The following CNTNAP5 variants were observed in gnomAD, a reference collection of about 807,000 sequenced individuals.
The protein encoded by CNTNAP5 is contactin associated protein family member 5, also known as contactin-associated protein-like 5.
In CNTNAP5, 72 loss-of-function variants were observed where a neutral mutation model predicts 150.2. The observed-to-expected ratio is 0.48, with a 90% CI of 0.40 to 0.58. CNTNAP5 has a LOEUF of 0.58. CNTNAP5 is among the 20% of genes least tolerant of loss of function. The pLI is 0.00. For synonymous variants in CNTNAP5, 672 were observed against 619.8 expected (o/e 1.08, Z -1.25); for missense variants, 1,636 against 1,626.2 (o/e 1.01, Z -0.10).
At chr2:124,275,766 A>C (rs1472925708) in intron 3 of CNTNAP5, among the ~76,000 whole-genome samples, 1 of 152,084 alleles carries the variant, frequency 6.6e-6, no homozygotes, top group Non-Finnish European at 1.5e-5. Context: ...TTTTGTCTAC[A>C]ATCTCCAGTA....
chr2:124,784,140 A>C (rs1681514098), intron 17 of CNTNAP5, among the ~76,000 whole-genome samples: 1 of 152,214 alleles, frequency 6.6e-6, no homozygotes, highest in African/African-American at 2.4e-5. Flanking sequence ...CAAGGGCATA[A>C]AAATAAAGTA....
intron 21 of CNTNAP5, among the ~76,000 whole-genome samples, chr2:124,899,549 T>C (rs1324658142): frequency 6.6e-6 from 1 of 151,638 alleles, no homozygotes; most frequent in Non-Finnish European, 1.5e-5. Flanking sequence ...AAGATGCCTT[T>C]GGTTTCTTAA....
At chr2:124,232,770 A>G (rs1686655196) in intron 2 of CNTNAP5, among the ~76,000 whole-genome samples, 1 of 152,154 alleles carries the variant, frequency 6.6e-6, no homozygotes, top group Non-Finnish European at 1.5e-5. Flanking sequence ...TTGTTTTGCT[A>G]AGGACTGGCT....
chr2:124,579,266 G>T (rs1696359364), intron 11 of CNTNAP5, among the ~76,000 whole-genome samples: 1 of 152,076 alleles, frequency 6.6e-6, no homozygotes, highest in African/African-American at 2.4e-5. Context: ...CTCATGATAG[G>T]CTCTATAGTA....
intron 13 of CNTNAP5, among the ~76,000 whole-genome samples, chr2:124,668,221 A>G (rs1285283467): frequency 6.6e-6 from 1 of 152,200 alleles, no homozygotes; most frequent in Non-Finnish European, 1.5e-5. Context: ...TCATACATTT[A>G]GCTAGGAAAA....
At chr2:124,291,407 G>A (rs1227187960) in intron 3 of CNTNAP5, among the ~76,000 whole-genome samples, 1 of 151,646 alleles carries the variant, frequency 6.6e-6, no homozygotes, top group East Asian at 1.9e-4. Context: ...ACAAATACTG[G>A]CAACTATTAA....
intron 21 of CNTNAP5, among the ~76,000 whole-genome samples, chr2:124,900,684 T>C (rs1678398540): frequency 1.3e-5 from 2 of 151,682 alleles, no homozygotes; most frequent in South Asian, 4.1e-4. Flanking sequence ...TAGGCTTCTT[T>C]CCCACTGAGT....
At chr2:124,090,922 G>A (rs1424947685) in intron 1 of CNTNAP5, among the ~76,000 whole-genome samples, 2 of 152,170 alleles carry the variant, frequency 1.3e-5, no homozygotes, top group African/African-American at 4.8e-5. Context: ...AATACATTAA[G>A]CCCATTGAGC....
chr2:124,424,259 G>C (rs1307168746), intron 4 of CNTNAP5, among the ~76,000 whole-genome samples: 1 of 152,128 alleles, frequency 6.6e-6, no homozygotes, highest in East Asian at 1.9e-4. Context: ...CATGGTAGAG[G>C]CCACACAGTT....
chr2:124,694,799 G>C (rs1052258269), intron 13 of CNTNAP5, among the ~76,000 whole-genome samples: 4 of 152,054 alleles, frequency 2.6e-5, no homozygotes, highest in Admixed American at 2.6e-4. Flanking sequence ...GGCATTCATA[G>C]TCAACCTACA....
At chr2:124,691,810 G>A (rs532274496) in intron 13 of CNTNAP5, among the ~76,000 whole-genome samples, 1 of 152,072 alleles carries the variant, frequency 6.6e-6, no homozygotes, top group East Asian at 1.9e-4. Flanking sequence ...ATGCAATGAG[G>A]GGTTGTCTGT....
At chr2:124,470,165 G>GTCTTCCACAATAATTA (rs1693474882) in intron 6 of CNTNAP5, among the ~76,000 whole-genome samples, 1 of 152,104 alleles carries the variant, frequency 6.6e-6, no homozygotes, top group African/African-American at 2.4e-5. Flanking sequence ...CTTCCACAAT[G>GTCTTCCACAATAATTA]GTTGCAATAA....
At chr2:124,902,765 A>G (rs568766478) in intron 21 of CNTNAP5, 117 bp from the exon 22 acceptor site, 14 of 644,344 alleles carry the variant, frequency 2.2e-5, no homozygotes, top group Non-Finnish European at 3.4e-5. Context: ...GGTTTTCTTT[A>G]CTCAAACAAT....
chr2:124,257,945 A>G (rs1687355019), intron 3 of CNTNAP5, among the ~76,000 whole-genome samples: 2 of 152,154 alleles, frequency 1.3e-5, no homozygotes, highest in African/African-American at 4.8e-5. Flanking sequence ...CTTTTCCATC[A>G]TTATAAATTT....
At chr2:124,357,104 C>A (rs547882481) in intron 3 of CNTNAP5, among the ~76,000 whole-genome samples, 3 of 152,098 alleles carry the variant, frequency 2.0e-5, no homozygotes. Flanking sequence ...TAAATGTCTT[C>A]TTTTGAGAAG....
chr2:124,451,665 G>T (rs1050488916), intron 6 of CNTNAP5, among the ~76,000 whole-genome samples: 1 of 152,046 alleles, frequency 6.6e-6, no homozygotes, highest in African/African-American at 2.4e-5. Context: ...CCCTCCAAAA[G>T]AAGCAGATTG....
chr2:124,627,643 A>C (rs1441471624), intron 12 of CNTNAP5, among the ~76,000 whole-genome samples: 1 of 152,208 alleles, frequency 6.6e-6, no homozygotes, highest in East Asian at 1.9e-4. Context: ...AAATCCCAAA[A>C]GTCAAAATGC....
chr2:124,263,334 G>T (rs1425343813), intron 3 of CNTNAP5, among the ~76,000 whole-genome samples: 1 of 151,974 alleles, frequency 6.6e-6, no homozygotes, highest in Admixed American at 6.6e-5. Context: ...TTTTAATGAT[G>T]GCCATTCTAA....
chr2:124,687,368 T>G (rs930941107), intron 13 of CNTNAP5, among the ~76,000 whole-genome samples: 1 of 152,038 alleles, frequency 6.6e-6, no homozygotes, highest in Admixed American at 6.6e-5. Context: ...GTGGGTGGTG[T>G]TAACAGCTAG....
Sources: gnomAD v4.1 joint callset for allele counts (sites outside exome capture counted in the v4.1 genomes callset) on GRCh38, gnomAD v4.1.1 for gene constraint, MANE v1.5 for transcripts, NCBI Gene and HGNC (gene_info 2026-07-23, HGNC 2026-07-21) for gene names.